Variants in CPNE4 observed in about 807,000 individuals in gnomAD.
The protein encoded by CPNE4 is copine 4.
Under a neutral mutation model 67.9 loss-of-function variants are expected in CPNE4, and 25 were observed. That is an observed-to-expected ratio of 0.37 (90% CI 0.27 to 0.51). The LOEUF is 0.51. Ranked by LOEUF, CPNE4 falls within the 20% of genes least tolerant of loss-of-function variation. The probability of loss-of-function intolerance (pLI) is 0.93; values close to 1 mark genes in which losing one functional copy is unlikely to be tolerated. For synonymous variants in CPNE4, 242 were observed against 244.9 expected (o/e 0.99, Z 0.11); for missense variants, 464 against 690.8 (o/e 0.67, Z 3.68).
chr3:131,566,717 A>T (rs1358590807), intron 10 of CPNE4, among the ~76,000 whole-genome samples: 1 of 151,920 alleles, frequency 6.6e-6, no homozygotes, highest in Non-Finnish European at 1.5e-5. Flanking sequence ...CACAGACACC[A>T]TTCTCAGCCT....
At position 131,648,758 on chromosome 3, in the gene CPNE4, A is replaced by C. The variant is rs2107619556; in HGVS notation, c.681+20917T>G. Among the ~76,000 whole-genome samples, 2 of 152,348 alleles carry C rather than the reference A, an allele frequency of 1.3e-5. 1 individual carries two copies. Among genetic ancestry groups the C allele is most frequent in the South Asian group, 4.1e-4 (2 of 4,824 alleles). On this transcript the variant is annotated intron_variant, in intron 7 of 15. Transcript: ENST00000429747. ...GATTTGTAGAATGAATGAGTGAATAAGTGAATGAACCAACGCTATGAAATA... is the reference window on the plus strand; with the variant it reads ...GATTTGTAGAATGAATGAGTGAATACGTGAATGAACCAACGCTATGAAATA...
intron 2 of CPNE4, among the ~76,000 whole-genome samples, chr3:131,823,216 TATGTGCC>T (rs1019055961): frequency 6.6e-6 from 1 of 152,230 alleles, no homozygotes; most frequent in African/African-American, 2.4e-5. Flanking sequence ...GAAAGTATAC[TATGTGCC>T]ATGCATTGTG....
chr3:131,606,407 G>A (rs555588174), intron 7 of CPNE4, among the ~76,000 whole-genome samples: 8 of 152,132 alleles, frequency 5.3e-5, no homozygotes, highest in Non-Finnish European at 8.8e-5. Context: ...ACACAAAATA[G>A]TTTTGCTACT....
At chr3:132,035,049 G>A (rs1179714818), upstream of CPNE4, 1 of 985,436 alleles carries the variant, frequency 1.0e-6, no homozygotes, top group Non-Finnish European at 1.2e-6. Flanking sequence ...GCAAGAGACT[G>A]GTTCCGAAAC....
intron 2 of CPNE4, among the ~76,000 whole-genome samples, chr3:131,763,373 A>C (rs2082936119): frequency 6.6e-6 from 1 of 152,120 alleles, no homozygotes; most frequent in African/African-American, 2.4e-5. Flanking sequence ...ACTTATAATA[A>C]CTTAGGTTAT....
intron 1 of CPNE4, among the ~76,000 whole-genome samples, chr3:131,915,673 AG>A (rs1429624529): frequency 6.6e-6 from 1 of 152,234 alleles, no homozygotes; most frequent in East Asian, 1.9e-4. Context: ...CAAATCTCTC[AG>A]ATGCAATAAA....
intron 1 of CPNE4, among the ~76,000 whole-genome samples, chr3:131,981,985 G>A (rs2072920777): frequency 6.6e-6 from 1 of 152,142 alleles, no homozygotes; most frequent in Non-Finnish European, 1.5e-5. Flanking sequence ...TGGGTCCTCT[G>A]GGGATCGCTG....
intron 1 of CPNE4, among the ~76,000 whole-genome samples, chr3:131,997,830 A>G (rs1253689787): frequency 1.3e-5 from 2 of 152,120 alleles, no homozygotes; most frequent in Non-Finnish European, 2.9e-5. Context: ...TGTTAACATG[A>G]TCTTGCAAGC....
At chr3:131,583,770 A>G (rs187872934) in intron 8 of CPNE4, among the ~76,000 whole-genome samples, 55 of 152,270 alleles carry the variant, frequency 3.6e-4, no homozygotes, top group Admixed American at 2.0e-3. Flanking sequence ...TGAAGTTGGC[A>G]TATAACTATG....
intron 11 of CPNE4, among the ~76,000 whole-genome samples, chr3:131,561,626 T>C (rs1160188657): frequency 2.0e-5 from 3 of 152,024 alleles, no homozygotes; most frequent in Admixed American, 6.6e-5. Flanking sequence ...AAGAAAACTC[T>C]TGGCTGCCAG....
At chr3:131,631,465 T>A (rs920084746) in intron 7 of CPNE4, among the ~76,000 whole-genome samples, 1 of 152,212 alleles carries the variant, frequency 6.6e-6, no homozygotes, top group African/African-American at 2.4e-5. Flanking sequence ...GAAAAAAGAC[T>A]TAATAAACAA....
At chr3:131,753,005 A>AAATATAAAATATAAATTG (rs2082667683) in intron 2 of CPNE4, among the ~76,000 whole-genome samples, 1 of 151,412 alleles carries the variant, frequency 6.6e-6, no homozygotes, top group Non-Finnish European at 1.5e-5. Flanking sequence ...GAAAATAATA[A>AAATATAAAATATAAATTG]AATATAAAAT....
At chr3:131,663,930 C>T (rs1304827630) in intron 7 of CPNE4, among the ~76,000 whole-genome samples, 2 of 152,110 alleles carry the variant, frequency 1.3e-5, no homozygotes, top group Middle Eastern at 3.2e-3. Context: ...CAGTTAATAA[C>T]CTGGGCCTCT....
chr3:131,581,490 A>T (rs1224690725), intron 9 of CPNE4, 89 bp downstream of exon 9: 2 of 820,632 alleles, frequency 2.4e-6, no homozygotes, highest in Admixed American at 4.4e-5. Context: ...CATCTTTTTG[A>T]TACTCTTTTC....
chr3:132,004,561 G>T (rs1440604293), intron 1 of CPNE4, among the ~76,000 whole-genome samples: 2 of 151,964 alleles, frequency 1.3e-5, no homozygotes, highest in Non-Finnish European at 2.9e-5. Flanking sequence ...GATGAAAAAG[G>T]TTTTCACACT....
chr3:131,923,149 AC>A (rs2070787549), intron 1 of CPNE4, among the ~76,000 whole-genome samples: 1 of 152,300 alleles, frequency 6.6e-6, no homozygotes, highest in East Asian at 1.9e-4. Flanking sequence ...CTTTATTTTT[AC>A]TTGAAAGTCA....
intron 1 of CPNE4, among the ~76,000 whole-genome samples, chr3:131,969,815 A>G (rs1386303422): frequency 6.6e-6 from 1 of 152,224 alleles, no homozygotes; most frequent in South Asian, 2.1e-4. Context: ...AAACAAAAGC[A>G]TGCACTTTGA....
chr3:131,905,641 G>A (rs1337292982), intron 1 of CPNE4, among the ~76,000 whole-genome samples, 197 bp from the exon 2 acceptor site: 1 of 152,108 alleles, frequency 6.6e-6, no homozygotes, highest in Admixed American at 6.5e-5. Flanking sequence ...CAAAAAACAG[G>A]TGCTGCTGCA....
intron 2 of CPNE4, among the ~76,000 whole-genome samples, chr3:131,860,692 T>C (rs61326902): frequency 0.077 from 11,644 of 151,250 alleles, 584 homozygotes; most frequent in East Asian, 0.17. Context: ...TTGGTTTTTT[T>C]ATCTGGAAAT....
Sources: gnomAD v4.1 joint callset for allele counts (sites outside exome capture counted in the v4.1 genomes callset) on GRCh38, gnomAD v4.1.1 for gene constraint, MANE v1.5 for transcripts, NCBI Gene and HGNC (gene_info 2026-07-23, HGNC 2026-07-21) for gene names.